OGDHL: variants seen among roughly 807,000 people sequenced by gnomAD.
OGDHL encodes the protein oxoglutarate dehydrogenase L, also known as 2-oxoglutarate dehydrogenase-like, mitochondrial.
In OGDHL, 79 loss-of-function variants were observed where a neutral mutation model predicts 109.6. The ratio of observed to expected loss-of-function variants is 0.72; its 90% CI spans 0.60 to 0.87. OGDHL has a LOEUF of 0.87. Ranked by LOEUF, OGDHL falls within the 40% of genes least tolerant of loss-of-function variation. The probability of loss-of-function intolerance (pLI) is 0.00; values close to 1 mark genes in which losing one functional copy is unlikely to be tolerated. For missense variants in OGDHL, 1,275 were observed against 1,362.2 expected (o/e 0.94, Z 1.01); for synonymous variants, 528 against 537.2 (o/e 0.98, Z 0.24).
rs1354771504 is a variant in OGDHL at position 49,738,194 on chromosome 10, G to A, written c.2388C>T (p.Tyr796=). ...TGGGGACAGCAGCAACACTCACAGGGTAGGCATCCGAGTCATCATTGCTCA... is the reference window on the plus strand; with the variant it reads ...TGGGGACAGCAGCAACACTCACAGGATAGGCATCCGAGTCATCATTGCTCA... ...LQMSNDDSDA[Y]PAFTKDFEVS... The change falls in exon 18 of 23, where the codon TAC becomes TAT. Residue 796 remains tyrosine, a synonymous_variant. Coordinates refer to ENST00000374103, the MANE Select transcript of OGDHL (RefSeq NM_018245.3). 6.2e-7 allele frequency: 1 copy of A among 1,614,096 alleles called. No individual in the cohort carries two copies. The highest frequency in any genetic ancestry group is 8.5e-7 in the Non-Finnish European group (1 of 1,180,026).
intron 1 of OGDHL, among the ~76,000 whole-genome samples, chr10:49,760,039 G>A (rs1843171933): frequency 6.6e-6 from 1 of 152,238 alleles, no homozygotes; most frequent in Non-Finnish European, 1.5e-5. Context: ...AAAAGGTCAG[G>A]CCCCACCAGA....
At chr10:49,750,606 GGAGA>G (rs1842519383) in intron 7 of OGDHL, among the ~76,000 whole-genome samples, 1 of 152,220 alleles carries the variant, frequency 6.6e-6, no homozygotes, top group South Asian at 2.1e-4. Context: ...ACATGGCCAG[GGAGA>G]GAGGGTGCCT....
At chr10:49,744,228 A>C in intron 13 of OGDHL, 106 bp from the exon 14 acceptor site, 2 of 1,434,296 alleles carry the variant, frequency 1.4e-6, no homozygotes, top group Non-Finnish European at 1.9e-6. Flanking sequence ...CCCAAACTCC[A>C]CCGGCACTCG....
At chr10:49,746,526 T>C (rs1447766724) in intron 10 of OGDHL, among the ~76,000 whole-genome samples, 1 of 152,204 alleles carries the variant, frequency 6.6e-6, no homozygotes, top group East Asian at 1.9e-4. Flanking sequence ...AGGCACTCGC[T>C]ACACAGGTGC....
chr10:49,745,037 C>G (rs555587953), intron 12 of OGDHL, among the ~76,000 whole-genome samples: 1 of 152,198 alleles, frequency 6.6e-6, no homozygotes, highest in Non-Finnish European at 1.5e-5. Context: ...GGTGGAAGGA[C>G]GAACACTCCA....
chr10:49,748,371 T>C (rs1203703930), intron 8 of OGDHL, among the ~76,000 whole-genome samples: 4 of 152,176 alleles, frequency 2.6e-5, no homozygotes, highest in Non-Finnish European at 5.9e-5. Context: ...GGTTTGTTTG[T>C]ATCAGCATGA....
chr10:49,734,864 C>A lies in OGDHL; in HGVS notation c.*364G>T. On this transcript the variant is annotated 3_prime_UTR_variant, in exon 23 of 23. Coordinates refer to ENST00000374103, the MANE Select transcript of OGDHL (RefSeq NM_018245.3). ...ACATCGCTTTGAATCTACAGATAAG[C>A]GAGGGTGGGGCGAGCAGCAGCCAGG... is the stretch of plus-strand genomic sequence containing the variant. 5.8e-6 allele frequency: 1 copy of A among 172,836 alleles called. No individual in the cohort carries two copies. The highest frequency in any genetic ancestry group is 1.2e-5 in the Non-Finnish European group (1 of 82,004). The allele number at this position is 172,836 out of a possible 1,614,324, so 10.7% of individuals were successfully genotyped here.
intron 3 of OGDHL, among the ~76,000 whole-genome samples, chr10:49,755,950 T>C (rs1032895854): frequency 1.3e-5 from 2 of 152,180 alleles, no homozygotes; most frequent in African/African-American, 4.8e-5. Flanking sequence ...TGGCCCACAA[T>C]TGATGGGTCC....
chr10:49,740,811 T>C lies in OGDHL; in HGVS notation c.2039A>G (p.Gln680Arg), dbSNP rs1251278129. The C allele has an allele frequency of 6.2e-7, 1 of 1,613,900 alleles. No homozygotes were observed. The highest frequency in any genetic ancestry group is 1.7e-5 in the Admixed American group (1 of 60,016). Residue 680 changes from glutamine (Q) to arginine (R), a missense_variant, in exon 16 of 23, where the codon CAG (glutamine) becomes CGG (arginine). Gln to Arg is a conservative substitution (Grantham distance 43). Transcript: ENST00000374103. ...FSHRHHVLHD[Q>R]EVDRRTCVPM... ...CACACACGTCCTGCGGTCAACCTCC[T>C]GGTCATGGAGAACATGGTGCCGGTG... is the stretch of plus-strand genomic sequence containing the variant.
At chr10:49,742,391 C>A (rs139584351) in intron 15 of OGDHL, among the ~76,000 whole-genome samples, 3 of 650 alleles carry the variant, frequency 4.6e-3, no homozygotes, top group African/African-American at 7.1e-3. Flanking sequence ...ACACCACACC[C>A]CCACACACAC....
rs769090033 is a variant in OGDHL, at chr10:49,749,743, G to A, written c.970C>T (p.Leu324=). The A allele has an allele frequency of 6.3e-7, 1 of 1,596,570 alleles. No individual in the cohort carries two copies. Among genetic ancestry groups the A allele is most frequent in the Non-Finnish European group, 8.5e-7 (1 of 1,175,454 alleles). Residue 324 remains leucine (L), a synonymous_variant, in exon 8 of 23, where the codon CTG becomes TTG. Transcript: ENST00000374103. Reference sequence around the variant, plus strand: ...GCACCCACCTCGTCCGCCGCCTCCAGCTTGGGGTCAAACTGGCAGAAGATC... The same window carrying A: ...GCACCCACCTCGTCCGCCGCCTCCAACTTGGGGTCAAACTGGCAGAAGATC... ...EQIFCQFDPK[L]EAADEGSGDV...
rs113899551 is a variant in OGDHL, at chr10:49,748,883, C to A, written c.987+843G>T. On this transcript the variant is annotated intron_variant, in intron 8 of 22. Transcript: ENST00000374103. ...ACTGCCCAGGGGACCCAGAGAGCCACCGAAAGGGAAGATGGGCAGGACTTT... is the reference window on the plus strand; with the variant it reads ...ACTGCCCAGGGGACCCAGAGAGCCAACGAAAGGGAAGATGGGCAGGACTTT... Among the ~76,000 whole-genome samples the A allele has an allele frequency of 6.8e-3, 1,041 of 152,114 alleles. 13 individuals are homozygous for A. Among genetic ancestry groups the A allele is most frequent in the African/African-American group, 0.022 (921 of 41,496 alleles).
Position 49,756,848 on chromosome 10 carries a change from G to A in OGDHL, c.303C>T (p.Val101=). The A allele has an allele frequency of 1.2e-6, 2 of 1,614,134 alleles. No individual in the cohort carries two copies. Among genetic ancestry groups the A allele is most frequent in the Non-Finnish European group, 1.7e-6 (2 of 1,179,998 alleles). The change falls in exon 3 of 23, where the codon GTC becomes GTT. Residue 101 remains valine, a synonymous_variant. Coordinates refer to ENST00000374103, the MANE Select transcript of OGDHL (RefSeq NM_018245.3). ...PSVVHESRSA[V]SSRTKTSKLV... is the part of the protein sequence containing the mutation. ...ATTTGCTGGTCTTGGTCCGACTTGA[G>A]ACTGCAGACCTGCTCTCATGGACAA...
chr10:49,754,942 A>G (rs1452970386), intron 3 of OGDHL, among the ~76,000 whole-genome samples: 3 of 152,228 alleles, frequency 2.0e-5, no homozygotes, highest in Admixed American at 2.0e-4. Context: ...TGCTTCAAAG[A>G]AGCAGTAAAA....
chr10:49,750,884 G>A lies in OGDHL; in HGVS notation c.851C>T (p.Ser284Phe). The A allele has an allele frequency of 6.2e-7, 1 of 1,612,538 alleles. No individual in the cohort carries two copies. The highest frequency in any genetic ancestry group is 8.5e-7 in the Non-Finnish European group (1 of 1,179,314). The change falls in exon 7 of 23, where the codon TCC (serine) becomes TTC (phenylalanine). Residue 284 changes from serine to phenylalanine, a missense_variant. By Grantham distance (155) the Ser-to-Phe change is radical. Coordinates refer to ENST00000374103, the MANE Select transcript of OGDHL (RefSeq NM_018245.3). ...GACATTCTCAATCCCCATCTCGCTG[G>A]ATTTGTCGATGATGGTCTTGAGGGC... ...IPALKTIIDK[S>F]SEMGIENVIL...
At chr10:49,743,806 C>T (rs1200873061) in intron 14 of OGDHL, 188 bp downstream of exon 14, 5 of 623,346 alleles carry the variant, frequency 8.0e-6, no homozygotes, top group African/African-American at 5.6e-5. Context: ...CTGCCCAGCT[C>T]GCCACGCCCA....
chr10:49,761,693 C>T (rs1191332277), intron 1 of OGDHL, among the ~76,000 whole-genome samples: 5 of 152,242 alleles, frequency 3.3e-5, no homozygotes, highest in African/African-American at 1.2e-4. Context: ...CCGTCCCCCT[C>T]CCACATCTCC....
At position 49,738,193 on chromosome 10, in the gene OGDHL, G is replaced by T. The variant is rs1284654485; in HGVS notation, c.2389C>A (p.Pro797Thr). Residue 797 changes from proline to threonine, a missense_variant and splice_region_variant, in exon 18 of 23, where the codon CCT (proline) becomes ACT (threonine). Pro to Thr is a conservative substitution (Grantham distance 38, BLOSUM62 -1). Coordinates refer to ENST00000374103, the MANE Select transcript of OGDHL (RefSeq NM_018245.3). ...CTGGGGACAGCAGCAACACTCACAG[G>T]GTAGGCATCCGAGTCATCATTGCTC... ...QMSNDDSDAY[P>T]AFTKDFEVSQ... 6.2e-7 allele frequency: 1 copy of T among 1,614,094 alleles called. No individual in the cohort carries two copies. The highest frequency in any genetic ancestry group is 1.1e-5 in the South Asian group (1 of 91,076).
At chr10:49,736,239 G>C (rs532409727) in intron 21 of OGDHL, 62 bp from the exon 22 acceptor site, 6 of 1,571,590 alleles carry the variant, frequency 3.8e-6, no homozygotes, top group Non-Finnish European at 4.3e-6. Flanking sequence ...CAGCACCCCC[G>C]GACAGGAGGC....
Sources: gnomAD v4.1 joint callset for allele counts (sites outside exome capture counted in the v4.1 genomes callset) on GRCh38, gnomAD v4.1.1 for gene constraint, MANE v1.5 for transcripts, NCBI Gene and HGNC (gene_info 2026-07-23, HGNC 2026-07-21) for gene names.